LARGE1: variants seen among roughly 807,000 people sequenced by gnomAD.
The protein encoded by LARGE1 is xylosyl- and glucuronyltransferase LARGE1.
Under a neutral mutation model 87.6 loss-of-function variants are expected in LARGE1, and 43 were observed. The observed-to-expected ratio is 0.49, with a 90% CI of 0.38 to 0.63. The LOEUF is 0.63. LARGE1 is among the 30% of genes least tolerant of loss of function. LARGE1 has a pLI of 0.00. For synonymous variants in LARGE1, 434 were observed against 394.6 expected (o/e 1.10, Z -1.18); for missense variants, 802 against 1,000.2 (o/e 0.80, Z 2.67).
Position 33,532,406 on chromosome 22 carries a change from A to G in LARGE1, c.787+32442T>C, listed in dbSNP as rs534504031. 3.3e-5 allele frequency among the ~76,000 whole-genome samples: 5 copies of G among 152,328 alleles called. No homozygotes were observed. In the South Asian group the frequency reaches 8.3e-4, roughly 25 times the overall value. ...CTGTACCTGCAGCAGGGAAATCTCT[A>G]GATGTGCAAGCCCTGACAAGGGGGA... is the stretch of plus-strand genomic sequence containing the variant. On this transcript the variant is annotated intron_variant, in intron 6 of 14. Coordinates refer to ENST00000397394, the MANE Select transcript of LARGE1 (RefSeq NM_133642.5).
chr22:33,478,655 G>C (rs2069180347), intron 6 of LARGE1, among the ~76,000 whole-genome samples: 1 of 152,188 alleles, frequency 6.6e-6, no homozygotes, highest in Non-Finnish European at 1.5e-5. Flanking sequence ...TTCTTCATCT[G>C]TAAAAACATA....
At chr22:33,439,363 T>C (rs1266041270) in intron 6 of LARGE1, among the ~76,000 whole-genome samples, 4 of 152,180 alleles carry the variant, frequency 2.6e-5, no homozygotes, top group African/African-American at 9.7e-5. Context: ...GTGCATAGAC[T>C]GGACTCTGCA....
chr22:33,315,932 C>T (rs1936105234), intron 11 of LARGE1, among the ~76,000 whole-genome samples, 153 bp downstream of exon 11: 1 of 152,102 alleles, frequency 6.6e-6, no homozygotes, highest in Non-Finnish European at 1.5e-5. Flanking sequence ...CCGGCCCAGG[C>T]TTCAATATTC....
the LARGE1 span, among the ~76,000 whole-genome samples, chr22:33,090,627 A>G: frequency 4.6e-5 from 7 of 152,344 alleles, no homozygotes; most frequent in African/African-American, 1.7e-4. Flanking sequence ...CATAGCATGT[A>G]GGGCTTTGTA....
At chr22:33,712,676 G>T (rs941596169) in intron 2 of LARGE1, among the ~76,000 whole-genome samples, 26 of 138,158 alleles carry the variant, frequency 1.9e-4, no homozygotes, top group Non-Finnish European at 3.1e-4. Flanking sequence ...GTGTGTGTGT[G>T]TGTGTGTGTC....
intron 6 of LARGE1, among the ~76,000 whole-genome samples, chr22:33,543,574 A>C (rs2077272248): frequency 6.6e-6 from 1 of 152,232 alleles, no homozygotes; most frequent in Non-Finnish European, 1.5e-5. Context: ...AGAAGTCAGA[A>C]GAAAACATTT....
At chr22:33,639,095 G>A (rs2080355029) in intron 3 of LARGE1, among the ~76,000 whole-genome samples, 1 of 152,168 alleles carries the variant, frequency 6.6e-6, no homozygotes, top group African/African-American at 2.4e-5. Context: ...GTCATGAAAA[G>A]TGCTTCCTTT....
chr22:33,145,112 T>A, the LARGE1 span, among the ~76,000 whole-genome samples: 1 of 151,952 alleles, frequency 6.6e-6, no homozygotes, highest in Non-Finnish European at 1.5e-5. Flanking sequence ...GTAGTTGACA[T>A]GGGAGGAAGG....
chr22:33,152,319 T>C, the LARGE1 span, among the ~76,000 whole-genome samples: 2 of 152,244 alleles, frequency 1.3e-5, no homozygotes, highest in Admixed American at 1.3e-4. Context: ...TGGCTGGTGC[T>C]GACCAAAACT....
intron 12 of LARGE1, among the ~76,000 whole-genome samples, chr22:33,286,900 AAGC>A (rs1244653240): frequency 1.3e-5 from 2 of 152,208 alleles, no homozygotes; most frequent in Non-Finnish European, 2.9e-5. Flanking sequence ...CTATACATAG[AAGC>A]AAGCTCTCAG....
intron 11 of LARGE1, among the ~76,000 whole-genome samples, chr22:33,207,838 G>A (rs1382410679): frequency 6.6e-6 from 1 of 152,138 alleles, no homozygotes; most frequent in Non-Finnish European, 1.5e-5. Flanking sequence ...ATACTCCCTA[G>A]TTTGACTTGG....
chr22:33,813,095 C>T (rs1271105907), intron 1 of LARGE1, among the ~76,000 whole-genome samples: 1 of 152,096 alleles, frequency 6.6e-6, no homozygotes. Flanking sequence ...TGGCTCACCC[C>T]TGTAATCCCA....
chr22:33,806,011 G>C (rs2086297597), intron 1 of LARGE1, among the ~76,000 whole-genome samples: 1 of 152,162 alleles, frequency 6.6e-6, no homozygotes, highest in Non-Finnish European at 1.5e-5. Context: ...TCACAATGCT[G>C]TGCAACCACC....
intron 6 of LARGE1, among the ~76,000 whole-genome samples, chr22:33,455,773 A>AG (rs2068108176): frequency 6.6e-6 from 1 of 151,874 alleles, no homozygotes; most frequent in African/African-American, 2.4e-5. Flanking sequence ...AAAAAAAAAA[A>AG]AAAAAAATTG....
At chr22:33,873,615 A>G (rs2064372921) in intron 1 of LARGE1, among the ~76,000 whole-genome samples, 1 of 152,140 alleles carries the variant, frequency 6.6e-6, no homozygotes, top group South Asian at 2.1e-4. Context: ...CCTGGGAAAC[A>G]GCCACTGACC....
the LARGE1 span, among the ~76,000 whole-genome samples, chr22:33,089,400 TTTCTTCTTCTTCTACTTCTTCTTCC>T: frequency 7.8e-6 from 1 of 128,704 alleles, no homozygotes; most frequent in East Asian, 2.8e-4. Context: ...CTTCTTCTTC[TTTCTTCTTCTTCTACTTCTTCTTCC>T]TCTTCCTCTT....
At chr22:33,445,921 A>G (rs1456084873) in intron 6 of LARGE1, among the ~76,000 whole-genome samples, 1 of 151,554 alleles carries the variant, frequency 6.6e-6, no homozygotes, top group African/African-American at 2.4e-5. Flanking sequence ...AAGTGCTGGG[A>G]TTACAGGCGT....
rs1312933772 is a variant in LARGE1 at position 33,761,453 on chromosome 22, T to C, written c.24A>G (p.Arg8=). The part of the protein sequence containing the change: MLGICRG[R]RKFLAASLSL... ...TCAACGAGGCAGCCAAGAATTTCCG[T>C]CTCCCCCTGCAGATTCCCAGCATCC... is the stretch of plus-strand genomic sequence containing the variant. The change falls in exon 2 of 15, where the codon AGA becomes AGG. Residue 8 remains arginine (R), a synonymous_variant. Coordinates refer to ENST00000397394, the MANE Select transcript of LARGE1 (RefSeq NM_133642.5). 1.9e-6 allele frequency: 3 copies of C among 1,613,862 alleles called. No individual in the cohort carries two copies. Among genetic ancestry groups the C allele is most frequent in the East Asian group, 4.5e-5 (2 of 44,826 alleles).
At chr22:33,211,622 G>A (rs1040781855) in intron 11 of LARGE1, among the ~76,000 whole-genome samples, 2 of 151,950 alleles carry the variant, frequency 1.3e-5, no homozygotes, top group African/African-American at 4.8e-5. Flanking sequence ...AAATACAAAA[G>A]ATTAGCCGGG....
Sources: allele counts gnomAD v4.1 joint callset (sites outside exome capture counted in the v4.1 genomes callset), GRCh38; gene constraint gnomAD v4.1.1; transcripts MANE v1.5; gene names NCBI Gene and HGNC (gene_info 2026-07-23, HGNC 2026-07-21).